ZNF676: variants seen among roughly 807,000 people sequenced by gnomAD.
ZNF676 encodes zinc finger protein 676.
In ZNF676, 4 loss-of-function variants were observed where a neutral mutation model predicts 6.0. The observed-to-expected ratio is 0.67, with a 90% CI of 0.33 to 1.53. The LOEUF is 1.53. Ranked by LOEUF, ZNF676 falls within the 40% of genes most tolerant of loss-of-function variation. ZNF676 has a pLI of 0.06. For synonymous variants in ZNF676, 198 were observed against 223.1 expected, an observed-to-expected ratio of 0.89 and a Z score of 1.00; for missense variants, 644 against 679.7, an observed-to-expected ratio of 0.95 and a Z score of 0.58.
intron 2 of ZNF676, among the ~76,000 whole-genome samples, chr19:22,191,378 A>G (rs191377357): frequency 6.6e-6 from 1 of 152,244 alleles, no homozygotes; most frequent in Non-Finnish European, 1.5e-5. Context: ...TCCCAGCCAC[A>G]GTCTGTGAGA....
chr19:22,252,855 G>A, the ZNF676 span, among the ~76,000 whole-genome samples: 3 of 152,230 alleles, frequency 2.0e-5, no homozygotes, highest in African/African-American at 7.2e-5. Flanking sequence ...TGTGGGCTGA[G>A]CCCAGGCAGG....
rs1331764958 is a variant in ZNF676, at chr19:22,210,988, T to C, written c.3+4644A>G. 2.0e-5 allele frequency among the ~76,000 whole-genome samples: 3 copies of C among 152,250 alleles called. No individual in the cohort carries two copies. In the East Asian group the frequency reaches 5.8e-4, roughly 29 times the overall value. On this transcript the variant is annotated intron_variant, in intron 1 of 3. Coordinates refer to the ZNF676 transcript ENST00000650058. ...AATATTCCCCTCACCTTCTTTCTAA[T>C]CTTATTTGTTTTCTCTAGGAAAAAA...
At chr19:22,232,497 A>G in the ZNF676 span, among the ~76,000 whole-genome samples, 5 of 152,144 alleles carry the variant, frequency 3.3e-5, no homozygotes, top group African/African-American at 1.2e-4. Context: ...CCCATTTTGT[A>G]TAATAAAAAT....
chr19:22,231,879 C>T, the ZNF676 span, among the ~76,000 whole-genome samples: 2 of 152,022 alleles, frequency 1.3e-5, no homozygotes, highest in Admixed American at 6.6e-5. Context: ...GGATTACAAG[C>T]GTGAGCCACC....
upstream of ZNF676, among the ~76,000 whole-genome samples, chr19:22,218,447 C>T (rs1248930221): frequency 1.3e-5 from 2 of 152,068 alleles, no homozygotes; most frequent in African/African-American, 2.4e-5. Flanking sequence ...AATTCTCTGC[C>T]TCAGCCTCCC....
At chr19:22,253,382 A>G in the ZNF676 span, among the ~76,000 whole-genome samples, 1,728 of 102,810 alleles carry the variant, frequency 0.017, 82 homozygotes, top group African/African-American at 0.058. Flanking sequence ...GTATATATAT[A>G]TATATATATA....
chr19:22,240,470 C>T, the ZNF676 span, among the ~76,000 whole-genome samples: 1 of 151,876 alleles, frequency 6.6e-6, no homozygotes, highest in Non-Finnish European at 1.5e-5. Context: ...TGCTGGGCCA[C>T]TATTTTTTGT....
the ZNF676 span, among the ~76,000 whole-genome samples, chr19:22,232,778 A>T: frequency 6.6e-6 from 1 of 152,200 alleles, no homozygotes; most frequent in Admixed American, 6.5e-5. Context: ...ACCTGAAAAA[A>T]GTATAAATAT....
intron 2 of ZNF676, among the ~76,000 whole-genome samples, chr19:22,185,758 C>T (rs1342451357): frequency 2.0e-5 from 3 of 151,750 alleles, no homozygotes; most frequent in Non-Finnish European, 2.9e-5. Flanking sequence ...ATAGCTGAAT[C>T]GATAATGCAG....
the ZNF676 span, among the ~76,000 whole-genome samples, chr19:22,221,345 G>C: frequency 2.6e-5 from 4 of 152,090 alleles, no homozygotes; most frequent in Admixed American, 1.3e-4. Flanking sequence ...TTCATGAGCA[G>C]TTTATTTAAT....
At chr19:22,255,247 T>TGTGAG in the ZNF676 span, among the ~76,000 whole-genome samples, 5,554 of 152,176 alleles carry the variant, frequency 0.036, 343 homozygotes, top group African/African-American at 0.13. Context: ...TGCCTTTGGG[T>TGTGAG]GTGAGGTTCA....
At chr19:22,193,964 C>T (rs528185856) in intron 1 of ZNF676, among the ~76,000 whole-genome samples, 88 of 152,250 alleles carry the variant, frequency 5.8e-4, no homozygotes, top group Non-Finnish European at 9.7e-4. Flanking sequence ...CTTGCTTATC[C>T]GCCAGTGCAT....
At chr19:22,181,867 T>C (rs1177582766) in intron 2 of ZNF676, among the ~76,000 whole-genome samples, 1 of 151,618 alleles carries the variant, frequency 6.6e-6, no homozygotes, top group African/African-American at 2.4e-5. Context: ...ATTTACCCAA[T>C]ACAACTCTTT....
Position 22,179,896 on chromosome 19 carries a change from TTA to T in ZNF676, c.*52_*53del, listed in dbSNP as rs1301407684. On this transcript the variant is annotated 3_prime_UTR_variant, in exon 3 of 3. Coordinates refer to ENST00000397121, the MANE Select transcript of ZNF676 (RefSeq NM_001001411.3). ...GATTTTCTCTCCAGTATGAATTTTC[TTA>T]TGTTTACTAGACTGAGAATCAGCTG... is the stretch of plus-strand genomic sequence containing the variant. 5.1e-6 allele frequency: 8 copies of T among 1,571,508 alleles called. No homozygotes were observed. The African/African-American group carries it at 6.8e-5, about 13-fold the overall frequency.
chr19:22,192,859 A>G (rs1202440265), intron 2 of ZNF676, among the ~76,000 whole-genome samples, 157 bp downstream of exon 2: 1 of 152,150 alleles, frequency 6.6e-6, no homozygotes, highest in Non-Finnish European at 1.5e-5. Flanking sequence ...AAGTTAGAAG[A>G]TGCCCCTGTG....
chr19:22,188,175 G>T (rs1260296287), intron 2 of ZNF676, among the ~76,000 whole-genome samples: 5 of 151,940 alleles, frequency 3.3e-5, no homozygotes, highest in Non-Finnish European at 7.4e-5. Flanking sequence ...AGATCAAGTT[G>T]GCTTCATCCC....
the ZNF676 span, among the ~76,000 whole-genome samples, chr19:22,252,169 T>C: frequency 6.6e-6 from 1 of 151,430 alleles, no homozygotes; most frequent in Admixed American, 6.6e-5. Flanking sequence ...CCAAAGCAGG[T>C]GGATTGCCTG....
intron 2 of ZNF676, among the ~76,000 whole-genome samples, chr19:22,190,981 C>A (rs2023899935): frequency 6.6e-6 from 1 of 152,008 alleles, no homozygotes; most frequent in South Asian, 2.1e-4. Flanking sequence ...ATTTGCTTAA[C>A]CCCCAACAGC....
Position 22,179,209 on chromosome 19 carries a change from T to C in ZNF676, c.*741A>G, listed in dbSNP as rs538445846. 3.9e-4 allele frequency: 62 copies of C among 158,342 alleles called. No individual in the cohort carries two copies. In the South Asian group the frequency reaches 9.5e-3, roughly 24 times the overall value. The allele number at this position is 158,342 out of a possible 1,614,324, so 9.8% of individuals were successfully genotyped here. On this transcript the variant is annotated 3_prime_UTR_variant, in exon 3 of 3. Coordinates refer to ENST00000397121, the MANE Select transcript of ZNF676 (RefSeq NM_001001411.3). ...TTCTTCACATTTCTAGGATTTCTCA[T>C]TCATATGATTTCTTTTATATTCAGA... is the stretch of plus-strand genomic sequence containing the variant.
Sources: gnomAD v4.1 joint callset for allele counts (sites outside exome capture counted in the v4.1 genomes callset) on GRCh38, gnomAD v4.1.1 for gene constraint, MANE v1.5 for transcripts, NCBI Gene and HGNC (gene_info 2026-07-23, HGNC 2026-07-21) for gene names.